The following ZMYM6 variants were observed in gnomAD, a reference collection of about 807,000 sequenced individuals.
ZMYM6 encodes the protein zinc finger MYM-type containing 6, also known as zinc finger MYM-type protein 6.
A neutral mutation model predicts 134.0 loss-of-function variants in ZMYM6; 90 were observed. That is an observed-to-expected ratio of 0.67 (90% CI 0.57 to 0.80). The LOEUF (loss-of-function observed/expected upper bound fraction) is 0.80. ZMYM6 is among the 30% of genes least tolerant of loss of function. The pLI, the probability that ZMYM6 is intolerant of heterozygous loss-of-function variation, is 0.00. For synonymous variants in ZMYM6, 481 were observed against 524.1 expected (o/e 0.92, Z 1.12); for missense variants, 1,362 against 1,533.9 (o/e 0.89, Z 1.87).
chr1:35,019,248 C>A (rs1323544765), intron 4 of ZMYM6, 105 bp downstream of exon 4: 2 of 1,483,754 alleles, frequency 1.3e-6, no homozygotes, highest in Non-Finnish European at 1.8e-6. Context: ...GTTATTTCTA[C>A]AGATACATGC....
chr1:35,019,660 G>GTC lies in ZMYM6; in HGVS notation c.179-60_179-59dup, dbSNP rs377267965. ...CAATACTAATGCATATACAGTCTCA[G>GTC]TCTCTCTCTCTCTCTCTCTTTTTTC... On this transcript the variant is annotated intron_variant, in intron 3 of 15. Coordinates refer to ENST00000357182, the MANE Select transcript of ZMYM6 (RefSeq NM_007167.4). The GTC allele has an allele frequency of 9.0e-4, 1,308 of 1,451,810 alleles. 1 individual carries two copies. The highest frequency in any genetic ancestry group is 2.7e-3 in the South Asian group (184 of 69,328). The allele number at this position is 1,451,810 out of a possible 1,614,324, so 89.9% of individuals were successfully genotyped here. A position where few individuals can be genotyped will look rare whatever the true frequency, so the allele number is the denominator to read the frequency against.
At position 34,988,845 on chromosome 1, in the gene ZMYM6, G is replaced by A. The variant is rs1204397291; in HGVS notation, c.2237C>T (p.Thr746Ile). 2 of 1,591,830 alleles carry A rather than the reference G, an allele frequency of 1.3e-6. No individual in the cohort carries two copies. The highest frequency in any genetic ancestry group is 4.5e-5 in the East Asian group (2 of 44,432). ...AATAAAACCAACTTTTAAATATTCT[G>A]TATCATAAGTCTGGAAAAAACCTAA... ...KRLGFFQTYD[T>I]EYLKVGFIIC... is the part of the protein sequence containing the mutation. Residue 746 changes from threonine to isoleucine, a missense_variant, in exon 16 of 16, where the codon ACA (threonine) becomes ATA (isoleucine). By Grantham distance (89) the Thr-to-Ile change is moderately conservative (BLOSUM62 -1). Around this residue, in one of 3 missense-constraint regions of ZMYM6, gnomAD observed 824 missense variants for 940.9 expected, o/e 0.88. Coordinates refer to ENST00000357182, the MANE Select transcript of ZMYM6 (RefSeq NM_007167.4).
intron 14 of ZMYM6, 40 bp from the exon 15 acceptor site, chr1:34,992,427 T>G: frequency 1.3e-6 from 2 of 1,595,598 alleles, no homozygotes; most frequent in South Asian, 1.1e-5. Flanking sequence ...AAAGATTTTT[T>G]TTAGTACCTT....
chr1:35,011,346 T>C (rs1641082482), intron 8 of ZMYM6, among the ~76,000 whole-genome samples: 1 of 152,146 alleles, frequency 6.6e-6, no homozygotes. Context: ...AACCAGCTTC[T>C]GATGGCTACT....
At position 34,990,928 on chromosome 1, in the gene ZMYM6, G is replaced by C. The variant is rs192697616; in HGVS notation, c.2146+1306C>G. 2.0e-5 allele frequency among the ~76,000 whole-genome samples: 3 copies of C among 152,264 alleles called. No homozygotes were observed. In the East Asian group the frequency reaches 5.8e-4, roughly 29 times the overall value. On this transcript the variant is annotated intron_variant, in intron 15 of 15. Transcript: ENST00000357182. Reference sequence around the variant, plus strand: ...TGCCCAGGTTGGAGCACAATGGCGCGATCTCAGCTCACCGCAACCTCTACC... The same window carrying C: ...TGCCCAGGTTGGAGCACAATGGCGCCATCTCAGCTCACCGCAACCTCTACC...
At chr1:34,994,835 C>T (rs149550866) in intron 14 of ZMYM6, among the ~76,000 whole-genome samples, 16 of 150,998 alleles carry the variant, frequency 1.1e-4, no homozygotes, top group Non-Finnish European at 1.6e-4. Context: ...CCTTATCTGC[C>T]GGGAATATGT....
chr1:35,030,591 G>C lies in ZMYM6; in HGVS notation c.49C>G (p.Gln17Glu), dbSNP rs745808616. The change falls in exon 2 of 16, where the codon CAG (glutamine) becomes GAG (glutamate). Residue 17 changes from glutamine to glutamate, a missense_variant. Gln to Glu is a conservative substitution (Grantham distance 29). Around this residue, in one of 3 missense-constraint regions of ZMYM6, gnomAD observed 503 missense variants for 520.8 expected, o/e 0.97. Transcript: ENST00000357182. ...TCTTTAATTTTGTCCAGAAGCTCCT[G>C]CTGTGGTACCACTGCTTTGCCACAT... ...GECGKAVVPQQELLDKIKEEP... is the reference protein window; with the variant it reads ...GECGKAVVPQEELLDKIKEEP... The C allele has an allele frequency of 8.1e-6, 13 of 1,613,538 alleles. No individual in the cohort carries two copies. In the South Asian group the frequency reaches 1.2e-4, roughly 15 times the overall value.
chr1:34,992,222 A>G lies in ZMYM6; in HGVS notation c.2146+12T>C. The G allele has an allele frequency of 6.2e-7, 1 of 1,613,918 alleles. No individual in the cohort carries two copies. Among genetic ancestry groups the G allele is most frequent in the Non-Finnish European group, 8.5e-7 (1 of 1,179,844 alleles). On this transcript the variant is annotated intron_variant, in intron 15 of 15. Coordinates refer to ENST00000357182, the MANE Select transcript of ZMYM6 (RefSeq NM_007167.4). ...ACAAGCTTTGTACATGGGAACGCAC[A>G]AGGATACATACCTGTCTGACATTCT...
intron 11 of ZMYM6, among the ~76,000 whole-genome samples, chr1:35,007,900 G>C (rs987831701): frequency 6.6e-6 from 1 of 152,010 alleles, no homozygotes; most frequent in Non-Finnish European, 1.5e-5. Flanking sequence ...ATAAAGATAG[G>C]TTCAACTTCT....
chr1:35,002,005 C>T (rs973760493), intron 14 of ZMYM6, among the ~76,000 whole-genome samples: 2 of 152,190 alleles, frequency 1.3e-5, no homozygotes, highest in African/African-American at 4.8e-5. Context: ...CCACGAACAG[C>T]AATCCACATT....
At chr1:35,018,085 C>T (rs1342858503) in intron 4 of ZMYM6, 1 of 151,948 alleles carries the variant, frequency 6.6e-6, no homozygotes, top group Non-Finnish European at 1.5e-5. Context: ...TGGCTCACAC[C>T]AATAGTCCCA....
chr1:35,028,271 G>C (rs145335560), intron 2 of ZMYM6, among the ~76,000 whole-genome samples: 2 of 148,394 alleles, frequency 1.3e-5, no homozygotes, highest in Admixed American at 1.3e-4. Flanking sequence ...AGCCAAGATC[G>C]CGCCACTGCA....
rs536272184 is a variant in ZMYM6 at position 34,992,473 on chromosome 1, T to C, written c.1993-86A>G. The C allele has an allele frequency of 1.9e-5, 27 of 1,401,126 alleles. No individual in the cohort carries two copies. The East Asian group carries it at 5.7e-4, about 29-fold the overall frequency. The allele number at this position is 1,401,126 out of a possible 1,614,324, so 86.8% of individuals were successfully genotyped here. On this transcript the variant is annotated intron_variant, in intron 14 of 15. Coordinates refer to ENST00000357182, the MANE Select transcript of ZMYM6 (RefSeq NM_007167.4). ...ATAATTGCTATCAATTGAAAGTTCA[T>C]ATACATCAAGAGAAATATAATTCCT...
At chr1:34,995,233 A>G (rs1030393453) in intron 14 of ZMYM6, among the ~76,000 whole-genome samples, 2 of 148,278 alleles carry the variant, frequency 1.3e-5, no homozygotes, top group African/African-American at 2.5e-5. Context: ...ATATATATAC[A>G]TATGTATATA....
Position 34,987,324 on chromosome 1 carries a change from A to G in ZMYM6, c.3758T>C (p.Val1253Ala), listed in dbSNP as rs780090077. The change falls in exon 16 of 16, where the codon GTA becomes GCA. Residue 1253 changes from valine to alanine, a missense_variant. By Grantham distance (64) the Val-to-Ala change is moderately conservative. Around this residue, in one of 3 missense-constraint regions of ZMYM6, gnomAD observed 824 missense variants for 940.9 expected, o/e 0.88. Coordinates refer to ENST00000357182, the MANE Select transcript of ZMYM6 (RefSeq NM_007167.4). Reference protein sequence around the residue: ...GLQALFKSVSVTQFWINAKTS... With the variant: ...GLQALFKSVSATQFWINAKTS... Reference sequence around the variant, plus strand: ...CTTTGCATTTATCCAAAACTGAGTTACAGACACTGATTTAAATAGTGCTTG... The same window carrying G: ...CTTTGCATTTATCCAAAACTGAGTTGCAGACACTGATTTAAATAGTGCTTG... 1 of 1,612,738 alleles carries G rather than the reference A, an allele frequency of 6.2e-7. No individual in the cohort carries two copies. Among genetic ancestry groups the G allele is most frequent in the East Asian group, 2.2e-5 (1 of 44,850 alleles).
chr1:34,987,299 C>G lies in ZMYM6; in HGVS notation c.3783G>C (p.Lys1261Asn), dbSNP rs2148439955. ...VSVTQFWINA[K>N]TSYPELHERA... ...TTTCATGGAGTTCTGGGTAACTTGT[C>G]TTTGCATTTATCCAAAACTGAGTTA... is the stretch of plus-strand genomic sequence containing the variant. Residue 1261 changes from lysine (K) to asparagine (N), a missense_variant, in exon 16 of 16, where the codon AAG becomes AAC. Physicochemically the swap from Lys to Asn is moderately conservative, Grantham distance 94. Transcript: ENST00000357182. 6.2e-7 allele frequency: 1 copy of G among 1,612,046 alleles called. No individual in the cohort carries two copies. Among genetic ancestry groups the G allele is most frequent in the East Asian group, 2.2e-5 (1 of 44,832 alleles).
rs771945854 is a variant in ZMYM6, at chr1:35,010,830, ATGG to A, written c.1266_1268del (p.His423del). On this transcript the variant is annotated inframe_deletion, in exon 9 of 16. Coordinates refer to ENST00000357182, the MANE Select transcript of ZMYM6 (RefSeq NM_007167.4). ...GCTGACACTTGAGTTTAACAACTGT[ATGG>A]GTTAAAGCAACTTGCTGGGATTGTT... is the stretch of plus-strand genomic sequence containing the variant. The A allele has an allele frequency of 1.2e-6, 2 of 1,610,234 alleles. No individual in the cohort carries two copies. The highest frequency in any genetic ancestry group is 1.7e-6 in the Non-Finnish European group (2 of 1,178,788).
intron 2 of ZMYM6, among the ~76,000 whole-genome samples, chr1:35,028,640 C>T (rs1456898989): frequency 2.0e-5 from 3 of 151,590 alleles, no homozygotes; most frequent in Non-Finnish European, 4.4e-5. Context: ...GCTGGGACTA[C>T]AGGCGCCCAC....
Position 35,005,221 on chromosome 1 carries a change from G to A in ZMYM6, c.1865C>T (p.Thr622Ile), listed in dbSNP as rs1640944796. The A allele has an allele frequency of 6.2e-7, 1 of 1,614,116 alleles. No individual in the cohort carries two copies. Among genetic ancestry groups the A allele is most frequent in the Non-Finnish European group, 8.5e-7 (1 of 1,180,012 alleles). Residue 622 changes from threonine (T) to isoleucine (I), a missense_variant, in exon 13 of 16, where the codon ACA becomes ATA. Thr to Ile is a moderately conservative substitution (Grantham distance 89). Transcript: ENST00000357182. The stretch of plus-strand genomic sequence containing the variant: ...ACTGGTTATAACTGGTGTTGTATCT[G>A]TCCTTGCAGAAGGGAGCTCCGTCAC... ...TAVTELPSAR[T>I]DTTPVITSVM...
Sources: allele counts gnomAD v4.1 joint callset (sites outside exome capture counted in the v4.1 genomes callset), GRCh38; gene constraint gnomAD v4.1.1; regional missense constraint gnomAD v4.1.1; transcripts MANE v1.5; gene names NCBI Gene and HGNC (gene_info 2026-07-23, HGNC 2026-07-21).